Variants in ZNF652 observed in about 807,000 individuals in gnomAD.
ZNF652 encodes zinc finger protein 652.
ZNF652 carries 16 observed loss-of-function variants against 45.2 expected under a neutral mutation model. The ratio of observed to expected loss-of-function variants is 0.35; its 90% confidence interval spans 0.24 to 0.54. The LOEUF is 0.54. ZNF652 is among the 20% of genes least tolerant of loss of function. ZNF652 has a pLI of 0.91. For missense variants in ZNF652, 614 were observed against 765.6 expected (o/e 0.80, Z 2.34); for synonymous variants, 250 against 260.6 (o/e 0.96, Z 0.39).
chr17:49,298,778 C>A lies in ZNF652; in HGVS notation c.1456G>T (p.Ala486Ser). Reference sequence around the variant, plus strand: ...ACCCGAAAGCACTTCTCCTTGTGGGCCTTAAGCATGTTCGAGAAGCGGAAC... The same window carrying A: ...ACCCGAAAGCACTTCTCCTTGTGGGACTTAAGCATGTTCGAGAAGCGGAAC... ...QRFRFSNMLK[A>S]HKEKCFRVTS... is the part of the protein sequence containing the mutation. Residue 486 changes from alanine to serine, a missense_variant, in exon 6 of 6, where the codon GCC becomes TCC. Ala to Ser is a moderately conservative substitution (Grantham distance 99). Transcript: ENST00000430262. 1.2e-6 allele frequency: 2 copies of A among 1,614,004 alleles called. No homozygotes were observed. The highest frequency in any genetic ancestry group is 1.7e-6 in the Non-Finnish European group (2 of 1,180,004).
At chr17:49,304,191 C>T (rs2069596008) in intron 5 of ZNF652, among the ~76,000 whole-genome samples, 1 of 151,856 alleles carries the variant, frequency 6.6e-6, no homozygotes, top group African/African-American at 2.4e-5. Flanking sequence ...TGAGCCACCA[C>T]ACCTGGCCCT....
At chr17:49,308,208 G>T (rs2069659586) in intron 5 of ZNF652, among the ~76,000 whole-genome samples, 1 of 151,990 alleles carries the variant, frequency 6.6e-6, no homozygotes, top group Non-Finnish European at 1.5e-5. Flanking sequence ...TTGAGACCAG[G>T]TCTTGCTCTG....
At chr17:49,312,880 G>A (rs1260568117) in intron 2 of ZNF652, 35 bp from the exon 3 acceptor site, 1 of 1,594,908 alleles carries the variant, frequency 6.3e-7, no homozygotes, top group Admixed American at 1.7e-5. Context: ...ATTTATAGGG[G>A]CTTACAGCAT....
chr17:49,351,037 ACACACACACACACACACAT>A, intron 1 of ZNF652, among the ~76,000 whole-genome samples: 2 of 139,938 alleles, frequency 1.4e-5, no homozygotes, highest in African/African-American at 5.4e-5. Flanking sequence ...ACACACACAC[ACACACACACACACACACAT>A]ATTTTTATAT....
At chr17:49,350,760 A>G (rs1233865973) in intron 1 of ZNF652, among the ~76,000 whole-genome samples, 1 of 151,484 alleles carries the variant, frequency 6.6e-6, no homozygotes, top group East Asian at 1.9e-4. Context: ...ACCTGAGGTC[A>G]GGAGTTCAAG....
intron 1 of ZNF652, among the ~76,000 whole-genome samples, chr17:49,347,663 T>C (rs2070218536): frequency 6.6e-6 from 1 of 151,660 alleles, no homozygotes; most frequent in Non-Finnish European, 1.5e-5. Flanking sequence ...CCAGCTTTTA[T>C]ATCTCCTAGA....
chr17:49,316,023 TTATG>T (rs1433803670), intron 2 of ZNF652, among the ~76,000 whole-genome samples: 1 of 152,218 alleles, frequency 6.6e-6, no homozygotes, highest in African/African-American at 2.4e-5. Flanking sequence ...GTTACATATC[TTATG>T]GAGACATGAA....
At chr17:49,358,553 A>G (rs923390954) in intron 1 of ZNF652, among the ~76,000 whole-genome samples, 1 of 152,186 alleles carries the variant, frequency 6.6e-6, no homozygotes, top group Non-Finnish European at 1.5e-5. Flanking sequence ...TTTTTTGGTA[A>G]AATTATCTAA....
intron 1 of ZNF652, among the ~76,000 whole-genome samples, chr17:49,325,360 TTTATCAA>T (rs1029045569): frequency 6.6e-6 from 1 of 152,168 alleles, no homozygotes; most frequent in African/African-American, 2.4e-5. Context: ...GCATATAACA[TTTATCAA>T]TTAAGTTTGC....
At chr17:49,303,919 C>T (rs1320332780) in intron 5 of ZNF652, among the ~76,000 whole-genome samples, 2 of 152,014 alleles carry the variant, frequency 1.3e-5, no homozygotes, top group African/African-American at 4.8e-5. Flanking sequence ...GACACAGTCT[C>T]GCTCAGTCAC....
Position 49,311,951 on chromosome 17 carries a change from A to C in ZNF652, c.1140T>G (p.Ser380=), listed in dbSNP as rs939747326. The change falls in exon 4 of 6, where the codon TCT becomes TCG. Residue 380 remains serine (S), a synonymous_variant. Transcript: ENST00000430262. ...MSLKVHSLQH[S]GEKPFRCENC... ...CCTCGCATCTAAAGGGCTTCTCTCC[A>C]GAATGCTGCAAGGAGTGCACCTTGA... 1.2e-6 allele frequency: 2 copies of C among 1,613,532 alleles called. No homozygotes were observed. Among genetic ancestry groups the C allele is most frequent in the East Asian group, 4.5e-5 (2 of 44,882 alleles).
Position 49,327,154 on chromosome 17 carries a change from TATAG to T in ZNF652, c.-258-9175_-258-9172del, listed in dbSNP as rs1158416126. Reference sequence around the variant, plus strand: ...CTTTACAGTTTACATAAAGCACATATATAGATAATTTTTTTTATTTTTTCACGAG... The same window carrying T: ...CTTTACAGTTTACATAAAGCACATATATAATTTTTTTTATTTTTTCACGAG... On this transcript the variant is annotated intron_variant, in intron 1 of 5. Transcript: ENST00000430262. Among the ~76,000 whole-genome samples the T allele has an allele frequency of 2.6e-5, 4 of 152,296 alleles. No individual in the cohort carries two copies. In the South Asian group the frequency reaches 6.2e-4, roughly 24 times the overall value.
At chr17:49,360,250 C>T (rs992548346) in intron 1 of ZNF652, among the ~76,000 whole-genome samples, 1 of 152,068 alleles carries the variant, frequency 6.6e-6, no homozygotes, top group African/African-American at 2.4e-5. Context: ...TACTCTAATC[C>T]TTTTTAAAAA....
chr17:49,293,762 C>T lies in ZNF652; in HGVS notation c.*4651G>A, dbSNP rs951915826. On this transcript the variant is annotated 3_prime_UTR_variant, in exon 6 of 6. Transcript: ENST00000430262. ...ACTTTACTTGCTCAATTTTATAGTC[C>T]GAAGAATTCCAAATGAGTTGATTTT... Among the ~76,000 whole-genome samples the T allele has an allele frequency of 6.6e-6, 1 of 150,618 alleles. No individual in the cohort carries two copies. The highest frequency in any genetic ancestry group is 1.9e-4 in the East Asian group (1 of 5,152).
intron 1 of ZNF652, among the ~76,000 whole-genome samples, chr17:49,341,862 T>G (rs1389015349): frequency 6.6e-6 from 1 of 151,958 alleles, no homozygotes. Flanking sequence ...ATCTGGAATA[T>G]CCCCTTAAAA....
intron 1 of ZNF652, among the ~76,000 whole-genome samples, chr17:49,345,581 C>T (rs1429982051): frequency 6.6e-6 from 1 of 151,274 alleles, no homozygotes; most frequent in Non-Finnish European, 1.5e-5. Flanking sequence ...GTGGCTCACG[C>T]CTGTAATCCC....
intron 2 of ZNF652, 103 bp downstream of exon 2, chr17:49,316,723 C>T (rs2069809427): frequency 8.4e-7 from 1 of 1,192,974 alleles, no homozygotes; most frequent in Admixed American, 2.4e-5. Flanking sequence ...TGAAAACTGT[C>T]CCTTCAGCCT....
At chr17:49,339,197 A>ATTT (rs34574898) in intron 1 of ZNF652, among the ~76,000 whole-genome samples, 2,782 of 118,948 alleles carry the variant, frequency 0.023, 76 homozygotes, top group African/African-American at 0.037. Flanking sequence ...GAGTTAGGAA[A>ATTT]TTTTTTTTTT....
intron 1 of ZNF652, among the ~76,000 whole-genome samples, chr17:49,335,492 A>G (rs993366589): frequency 6.6e-6 from 1 of 152,094 alleles, no homozygotes; most frequent in South Asian, 2.1e-4. Context: ...CCACACAGGT[A>G]ACTCCCAACT....
Sources: allele counts gnomAD v4.1 joint callset (sites outside exome capture counted in the v4.1 genomes callset), GRCh38; gene constraint gnomAD v4.1.1; transcripts MANE v1.5; gene names NCBI Gene and HGNC (gene_info 2026-07-23, HGNC 2026-07-21).